The following TMTC1 variants were observed in gnomAD, a reference collection of about 807,000 sequenced individuals.
TMTC1 encodes the protein protein O-mannosyl-transferase TMTC1.
In TMTC1, 73 loss-of-function variants were observed where a neutral mutation model predicts 104.8. That is an observed-to-expected ratio of 0.70 (90% confidence interval 0.58 to 0.85). TMTC1 has a LOEUF of 0.85. TMTC1 is among the 40% of genes least tolerant of loss of function. TMTC1 has a pLI of 0.00. For missense variants in TMTC1, 1,035 were observed against 1,096.1 expected (o/e 0.94, Z 0.79); for synonymous variants, 434 against 428.7 (o/e 1.01, Z -0.15).
At position 29,632,377 on chromosome 12, in the gene TMTC1, TG is replaced by T. The variant is rs200547801; in HGVS notation, c.1128+769del. ...TAGTTCCCATAATCCCCATGTGTTG[TG>T]GGGATCAGGTGGAGATAGTTAAATC... On this transcript the variant is annotated intron_variant, in intron 6 of 17. Coordinates refer to ENST00000539277, the MANE Select transcript of TMTC1 (RefSeq NM_001193451.2). Among the ~76,000 whole-genome samples, 173 of 152,310 alleles carry T rather than the reference TG, an allele frequency of 1.1e-3. 4 individuals are homozygous for T. The East Asian group carries it at 0.03, about 26-fold the overall frequency.
At chr12:29,760,768 C>T (rs191314165) in intron 2 of TMTC1, among the ~76,000 whole-genome samples, 11 of 150,800 alleles carry the variant, frequency 7.3e-5, no homozygotes, top group Admixed American at 4.6e-4. Context: ...TATTTTGTAG[C>T]GTTACATTTT....
Position 29,517,508 on chromosome 12 carries a change from A to G in TMTC1, c.2088T>C (p.Thr696=). Residue 696 remains threonine (T), a synonymous_variant, in exon 14 of 18, where the codon ACT becomes ACC. Transcript: ENST00000539277. ...TCTGCAAAGCCTCTTCGTATCGGCC[A>G]GTGTTGTAATACAGTGCTCCCAAAG... ...LSPLGALYYN[T]GRYEEALQIY... 6.2e-7 allele frequency: 1 copy of G among 1,614,108 alleles called. No homozygotes were observed. The highest frequency in any genetic ancestry group is 8.5e-7 in the Non-Finnish European group (1 of 1,180,000).
intron 6 of TMTC1, among the ~76,000 whole-genome samples, chr12:29,631,153 AG>A (rs1565723040): frequency 6.6e-6 from 1 of 152,194 alleles, no homozygotes; most frequent in Non-Finnish European, 1.5e-5. Context: ...TTCAGATACA[AG>A]GCCTTTGTAG....
At chr12:29,718,843 G>A (rs1942153893) in intron 5 of TMTC1, among the ~76,000 whole-genome samples, 1 of 148,064 alleles carries the variant, frequency 6.8e-6, no homozygotes, top group Admixed American at 6.9e-5. Flanking sequence ...TGAGGCAGGA[G>A]AATGGCATAA....
chr12:29,584,316 C>T (rs1166950087), intron 7 of TMTC1, among the ~76,000 whole-genome samples: 5 of 152,176 alleles, frequency 3.3e-5, no homozygotes, highest in Admixed American at 2.6e-4. Context: ...ATACTTTCTG[C>T]CTGCCACTTG....
At chr12:29,625,928 AG>A (rs1272194357) in intron 6 of TMTC1, among the ~76,000 whole-genome samples, 1 of 152,184 alleles carries the variant, frequency 6.6e-6, no homozygotes, top group Non-Finnish European at 1.5e-5. Context: ...CCATGAGCTA[AG>A]GTCAGATAAT....
At chr12:29,568,455 C>T (rs950457025) in intron 9 of TMTC1, among the ~76,000 whole-genome samples, 1 of 152,122 alleles carries the variant, frequency 6.6e-6, no homozygotes, top group African/African-American at 2.4e-5. Context: ...AATTACATTG[C>T]AAATCTCTTT....
intron 9 of TMTC1, among the ~76,000 whole-genome samples, chr12:29,558,466 T>C (rs751754618): frequency 6.6e-6 from 1 of 152,200 alleles, no homozygotes; most frequent in Non-Finnish European, 1.5e-5. Flanking sequence ...TTAAGTTTAT[T>C]TGACCCTTCG....
In TMTC1 at chr12:29,616,340, C is replaced by T. The variant is rs545393363; in HGVS notation, c.1129-12041G>A. Among the ~76,000 whole-genome samples the T allele has an allele frequency of 1.2e-4, 18 of 152,322 alleles. No homozygotes were observed. The South Asian group carries it at 3.5e-3, about 30-fold the overall frequency. On this transcript the variant is annotated intron_variant, in intron 6 of 17. Transcript: ENST00000539277. Reference sequence around the variant, plus strand: ...ACGCGCTCTCTGGCAAACACAATTTCACTGATCTCAACTATAGCCATCACG... The same window carrying T: ...ACGCGCTCTCTGGCAAACACAATTTTACTGATCTCAACTATAGCCATCACG...
chr12:29,759,132 A>T (rs543322737), intron 2 of TMTC1, among the ~76,000 whole-genome samples: 2 of 152,330 alleles, frequency 1.3e-5, no homozygotes, highest in South Asian at 4.1e-4. Context: ...CCTTCTGTGT[A>T]CCATGCTGCT....
At chr12:29,609,580 A>G (rs1946790124) in intron 6 of TMTC1, among the ~76,000 whole-genome samples, 3 of 152,244 alleles carry the variant, frequency 2.0e-5, no homozygotes, top group African/African-American at 7.2e-5. Flanking sequence ...GAATCCACAA[A>G]AGCCCTTATG....
intron 3 of TMTC1, among the ~76,000 whole-genome samples, chr12:29,758,082 C>T (rs970713984): frequency 3.9e-5 from 6 of 152,114 alleles, no homozygotes; most frequent in African/African-American, 1.4e-4. Flanking sequence ...TCTTTTTAAT[C>T]CACTCCTTTC....
chr12:29,562,433 T>A lies in TMTC1; in HGVS notation c.1533-5433A>T, dbSNP rs950897643. Among the ~76,000 whole-genome samples the A allele has an allele frequency of 3.9e-5, 6 of 152,236 alleles. No individual in the cohort carries two copies. In the East Asian group the frequency reaches 1.2e-3, roughly 29 times the overall value. ...TTGAGTGCCCTTAGGAAATGAATCA[T>A]TTTAAATGGCTGAACCTGATTCCTG... On this transcript the variant is annotated intron_variant, in intron 9 of 17. Transcript: ENST00000539277.
At chr12:29,533,271 T>G (rs1156852459) in intron 11 of TMTC1, 2 of 152,162 alleles carry the variant, frequency 1.3e-5, no homozygotes, top group Non-Finnish European at 2.9e-5. Context: ...CAGATTAAAT[T>G]TCTCCCCTCA....
At chr12:29,536,786 C>CCAATG (rs4032990) in intron 10 of TMTC1, among the ~76,000 whole-genome samples, 152,083 of 152,296 alleles carry the variant, frequency 1, 75,936 homozygotes, top group Middle Eastern at 1. Context: ...GGCCAAACTG[C>CCAATG]TTAATCTTTG....
intron 5 of TMTC1, among the ~76,000 whole-genome samples, chr12:29,730,761 A>C (rs539695636): frequency 1.8e-4 from 27 of 152,202 alleles, no homozygotes; most frequent in Non-Finnish European, 2.6e-4. Flanking sequence ...GTTAGCTTCC[A>C]AAGTCTTCAC....
intron 13 of TMTC1, 126 bp from the exon 14 acceptor site, chr12:29,517,697 T>A (rs77325490): frequency 9.1e-7 from 1 of 1,100,212 alleles, no homozygotes; most frequent in South Asian, 1.6e-5. Flanking sequence ...TTTGTTTTTA[T>A]ATCAATAACA....
chr12:29,546,902 TAA>T (rs35983975), intron 10 of TMTC1, among the ~76,000 whole-genome samples: 2 of 151,146 alleles, frequency 1.3e-5, no homozygotes, highest in East Asian at 1.9e-4. Flanking sequence ...CCTTTTCTCT[TAA>T]AAAAAAAATT....
intron 5 of TMTC1, chr12:29,660,793 T>A: frequency 8.9e-7 from 1 of 1,118,036 alleles, no homozygotes; most frequent in Non-Finnish European, 1.2e-6. Context: ...TATATATATA[T>A]ATATACTTAC....
Sources: allele counts gnomAD v4.1 joint callset (sites outside exome capture counted in the v4.1 genomes callset), GRCh38; gene constraint gnomAD v4.1.1; transcripts MANE v1.5; gene names NCBI Gene and HGNC (gene_info 2026-07-23, HGNC 2026-07-21).